Variants in PALM2AKAP2 observed in about 807,000 individuals in gnomAD.
PALM2AKAP2 encodes PALM2-AKAP2 fusion protein.
PALM2AKAP2 carries 37 observed loss-of-function variants against 71.5 expected under a neutral mutation model. That is an observed-to-expected ratio of 0.52 (90% CI 0.40 to 0.68). The LOEUF (loss-of-function observed/expected upper bound fraction) is 0.68. Among genes scored for constraint, PALM2AKAP2 ranks in the 30% least tolerant of loss-of-function variants. The pLI, the probability that PALM2AKAP2 is intolerant of heterozygous loss-of-function variation, is 0.00. For synonymous variants in PALM2AKAP2, 468 were observed against 478.8 expected, an observed-to-expected ratio of 0.98 and a Z score of 0.29; for missense variants, 1,224 against 1,191.8, an observed-to-expected ratio of 1.03 and a Z score of -0.40.
At chr9:110,168,030 C>A (rs923507270) in intron 3 of PALM2AKAP2, among the ~76,000 whole-genome samples, 3 of 152,190 alleles carry the variant, frequency 2.0e-5, no homozygotes, top group Non-Finnish European at 4.4e-5. Flanking sequence ...AGCAGAGATA[C>A]GTTTTCATCA....
At chr9:109,929,804 C>T (rs935241554) in intron 5 of PALM2AKAP2, among the ~76,000 whole-genome samples, 4 of 137,954 alleles carry the variant, frequency 2.9e-5, no homozygotes, top group African/African-American at 1.1e-4. Context: ...GCAGAGCTTG[C>T]AGTGAGCTGA....
exon 2 of PALM2AKAP2, chr9:110,137,681 T>A (rs1173309790): frequency 6.2e-7 from 1 of 1,613,616 alleles, no homozygotes; most frequent in Admixed American, 1.7e-5. Context: ...GTCGGTGAGG[T>A]CTCAGGATAC....
At chr9:109,914,682 C>T (rs1830644711) in intron 3 of PALM2AKAP2, among the ~76,000 whole-genome samples, 2 of 152,222 alleles carry the variant, frequency 1.3e-5, no homozygotes, top group African/African-American at 4.8e-5. Context: ...TGGTCAGCAT[C>T]TCCTTTTATT....
At chr9:109,947,121 GA>G (rs1158243948) in intron 6 of PALM2AKAP2, among the ~76,000 whole-genome samples, 1 of 152,204 alleles carries the variant, frequency 6.6e-6, no homozygotes, top group Non-Finnish European at 1.5e-5. Context: ...CAGTTTCCTT[GA>G]GCCTTCTGAG....
intron 3 of PALM2AKAP2, among the ~76,000 whole-genome samples, chr9:109,882,033 A>T (rs746066724): frequency 6.6e-6 from 1 of 151,696 alleles, no homozygotes; most frequent in Non-Finnish European, 1.5e-5. Flanking sequence ...ACAGGCGTGC[A>T]CCAACCACGC....
chr9:109,641,887 A>C (rs1244712817), intron 1 of PALM2AKAP2, among the ~76,000 whole-genome samples: 2 of 151,706 alleles, frequency 1.3e-5, no homozygotes, highest in Non-Finnish European at 2.9e-5. Context: ...GTGTAGATGC[A>C]ATTTAATCCT....
intron 6 of PALM2AKAP2, among the ~76,000 whole-genome samples, chr9:110,007,015 G>C (rs1326219695): frequency 6.6e-6 from 1 of 152,140 alleles, no homozygotes; most frequent in Non-Finnish European, 1.5e-5. Context: ...TGATCAGTGA[G>C]ACTTTGGGGG....
upstream of PALM2AKAP2, chr9:109,780,445 G>GT (rs201053095): frequency 0.031 from 50,204 of 1,612,558 alleles, 923 homozygotes; most frequent in Middle Eastern, 0.038. Flanking sequence ...TACAGCGTGT[G>GT]TTTTTTCTTT....
intron 3 of PALM2AKAP2, among the ~76,000 whole-genome samples, chr9:109,910,625 G>A (rs977746435): frequency 5.9e-5 from 9 of 152,210 alleles, no homozygotes; most frequent in African/African-American, 2.2e-4. Flanking sequence ...ACACCAAAGA[G>A]GGTCCGCTGG....
intron 6 of PALM2AKAP2, among the ~76,000 whole-genome samples, chr9:110,005,689 T>C (rs1832765317): frequency 6.6e-6 from 1 of 152,196 alleles, no homozygotes; most frequent in Admixed American, 6.5e-5. Context: ...TCAAGCTTCC[T>C]GGCTGCTTTG....
At chr9:109,913,260 C>T (rs558936215) in intron 3 of PALM2AKAP2, among the ~76,000 whole-genome samples, 4 of 152,280 alleles carry the variant, frequency 2.6e-5, no homozygotes, top group South Asian at 2.1e-4. Flanking sequence ...GCGATCAGCT[C>T]GCTGCACTGC....
chr9:110,054,190 G>A (rs1349286370), intron 1 of PALM2AKAP2, among the ~76,000 whole-genome samples: 6 of 152,170 alleles, frequency 3.9e-5, no homozygotes, highest in Non-Finnish European at 8.8e-5. Context: ...ACCTGAGGTC[G>A]GGAGTTCGAG....
intron 1 of PALM2AKAP2, among the ~76,000 whole-genome samples, chr9:109,785,172 A>G (rs942799506): frequency 1.4e-4 from 21 of 152,230 alleles, no homozygotes; most frequent in Admixed American, 6.5e-5. Flanking sequence ...GACCAGCATG[A>G]GTATGTTTAT....
intron 7 of PALM2AKAP2, among the ~76,000 whole-genome samples, chr9:110,035,712 A>G (rs1031422198): frequency 4.5e-5 from 5 of 111,498 alleles, no homozygotes; most frequent in South Asian, 3.5e-4. Context: ...TGTGTTATAT[A>G]TAACATATAT....
At chr9:109,893,483 G>A (rs905645503) in intron 3 of PALM2AKAP2, among the ~76,000 whole-genome samples, 3 of 151,240 alleles carry the variant, frequency 2.0e-5, no homozygotes, top group African/African-American at 4.9e-5. Context: ...TCACTCTGTC[G>A]CCCAGGCTGA....
chr9:109,710,366 G>T (rs1017523596), intron 1 of PALM2AKAP2, among the ~76,000 whole-genome samples: 2 of 152,214 alleles, frequency 1.3e-5, no homozygotes, highest in Non-Finnish European at 2.9e-5. Flanking sequence ...TTTGTGCAAG[G>T]CACAAACTAC....
intron 1 of PALM2AKAP2, among the ~76,000 whole-genome samples, chr9:109,781,543 A>G (rs183565328): frequency 3.3e-5 from 5 of 152,340 alleles, no homozygotes; most frequent in Admixed American, 2.0e-4. Context: ...ATGTTTTGGA[A>G]CCAAAGTATA....
chr9:109,881,876 CTTTTTT>C (rs565835467), intron 3 of PALM2AKAP2, among the ~76,000 whole-genome samples: 4,960 of 94,882 alleles, frequency 0.052, 210 homozygotes, highest in African/African-American at 0.11. Flanking sequence ...CTTATGAGCT[CTTTTTT>C]TTTTTTTTTT....
At chr9:109,978,451 A>T (rs1832209258) in intron 6 of PALM2AKAP2, among the ~76,000 whole-genome samples, 1 of 152,168 alleles carries the variant, frequency 6.6e-6, no homozygotes, top group Non-Finnish European at 1.5e-5. Flanking sequence ...GGAATGCCCT[A>T]AGGTGGCATC....
Sources: gnomAD v4.1 joint callset for allele counts (sites outside exome capture counted in the v4.1 genomes callset) on GRCh38, gnomAD v4.1.1 for gene constraint, MANE v1.5 for transcripts, NCBI Gene and HGNC (gene_info 2026-07-23, HGNC 2026-07-21) for gene names.